CACNA1E: variants seen among roughly 807,000 people sequenced by gnomAD.
CACNA1E encodes the protein voltage-dependent R-type calcium channel subunit alpha-1E.
Under a neutral mutation model 259.2 loss-of-function variants are expected in CACNA1E, and 40 were observed. The ratio of observed to expected loss-of-function variants is 0.15; its 90% confidence interval spans 0.12 to 0.20. The LOEUF is 0.20. Ranked by LOEUF, CACNA1E falls within the 10% of genes least tolerant of loss-of-function variation. The pLI, the probability that CACNA1E is intolerant of heterozygous loss-of-function variation, is 1.00. For missense variants in CACNA1E, 1,874 were observed against 3,040.1 expected (o/e 0.62, Z 9.02); for synonymous variants, 1,104 against 1,138.5 (o/e 0.97, Z 0.61).
chr1:181,787,726 G>A (rs905493713), intron 43 of CACNA1E, among the ~76,000 whole-genome samples: 2 of 152,192 alleles, frequency 1.3e-5, no homozygotes, highest in African/African-American at 4.8e-5. Flanking sequence ...AGCTCACTCA[G>A]TTTGAGGGTT....
intron 16 of CACNA1E, among the ~76,000 whole-genome samples, chr1:181,723,802 G>A (rs1654632478): frequency 6.6e-6 from 1 of 152,188 alleles, no homozygotes. Flanking sequence ...AGGGGCAGAG[G>A]GAAAGGCATG....
At chr1:181,320,747 C>G (rs1650275714) in intron 1 of CACNA1E, among the ~76,000 whole-genome samples, 1 of 152,102 alleles carries the variant, frequency 6.6e-6, no homozygotes, top group African/African-American at 2.4e-5. Flanking sequence ...ATGGCTGGTT[C>G]CAGAGTGGGG....
At chr1:181,343,809 C>T (rs943289263) in intron 1 of CACNA1E, among the ~76,000 whole-genome samples, 1 of 152,138 alleles carries the variant, frequency 6.6e-6, no homozygotes, top group African/African-American at 2.4e-5. Flanking sequence ...GATGCCCTGT[C>T]TCCTCTCAGA....
intron 1 of CACNA1E, among the ~76,000 whole-genome samples, chr1:181,370,124 T>A (rs974842820): frequency 6.6e-6 from 1 of 150,752 alleles, no homozygotes; most frequent in Non-Finnish European, 1.5e-5. Context: ...GGGGTGTGGT[T>A]AAAAAAAAAC....
intron 2 of CACNA1E, among the ~76,000 whole-genome samples, chr1:181,468,842 G>A (rs1662316684): frequency 6.6e-6 from 1 of 152,134 alleles, no homozygotes; most frequent in Admixed American, 6.5e-5. Flanking sequence ...CAATTACAAG[G>A]TGTTCTCAGG....
intron 1 of CACNA1E, among the ~76,000 whole-genome samples, chr1:181,336,773 C>G (rs1229984899): frequency 2.0e-5 from 3 of 152,066 alleles, no homozygotes; most frequent in African/African-American, 7.2e-5. Flanking sequence ...CTTTCTGTCT[C>G]TCTGAATTTG....
rs1662696760 is a variant in CACNA1E at position 181,807,266 on chromosome 1, T to C, written c.*8432T>C. ...ATTGTCCTGATCTGCAAGCGAGGAG[T>C]TTAACAAGGTAGGCAGAGAACTTCC... On this transcript the variant is annotated 3_prime_UTR_variant, in exon 48 of 48. Transcript: ENST00000367573. 1 of 151,108 alleles carries C rather than the reference T, an allele frequency of 6.6e-6. No homozygotes were observed. The highest frequency in any genetic ancestry group is 2.4e-5 in the African/African-American group (1 of 41,022). 9.4% of individuals were successfully genotyped at this position (151,108 alleles called of 1,614,324 possible). A position where few individuals can be genotyped will look rare whatever the true frequency, so the allele number is the denominator to read the frequency against.
chr1:181,377,497 G>A (rs1655183996), intron 1 of CACNA1E, among the ~76,000 whole-genome samples: 1 of 152,106 alleles, frequency 6.6e-6, no homozygotes, highest in Admixed American at 6.5e-5. Flanking sequence ...GGTTATGTGG[G>A]GAGCCATCAG....
intron 1 of CACNA1E, among the ~76,000 whole-genome samples, chr1:181,391,762 T>A (rs919188762): frequency 6.6e-6 from 1 of 152,128 alleles, no homozygotes; most frequent in Non-Finnish European, 1.5e-5. Flanking sequence ...TGCAGTAAAT[T>A]TCAGGCACTG....
At chr1:181,540,396 G>C (rs775477943) in intron 3 of CACNA1E, among the ~76,000 whole-genome samples, 35 of 152,238 alleles carry the variant, frequency 2.3e-4, no homozygotes, top group Non-Finnish European at 4.9e-4. Flanking sequence ...GCACTTAGTA[G>C]TTATTCAGCA....
At chr1:181,777,388 T>C (rs1660055990) in intron 38 of CACNA1E, among the ~76,000 whole-genome samples, 1 of 152,216 alleles carries the variant, frequency 6.6e-6, no homozygotes, top group Non-Finnish European at 1.5e-5. Flanking sequence ...CCCAAAAATC[T>C]ATCCTCTGGT....
chr1:181,743,955 G>A (rs1656825789), intron 25 of CACNA1E, among the ~76,000 whole-genome samples: 1 of 152,256 alleles, frequency 6.6e-6, no homozygotes, highest in Non-Finnish European at 1.5e-5. Flanking sequence ...CTCTCTGGCG[G>A]CTGACGCCAA....
chr1:181,455,829 A>G (rs1039397150), intron 2 of CACNA1E, among the ~76,000 whole-genome samples: 3 of 152,176 alleles, frequency 2.0e-5, no homozygotes, highest in African/African-American at 4.8e-5. Flanking sequence ...ATGCCCTTGA[A>G]TGTGTCCCTA....
rs2102939600 is a variant in CACNA1E, at chr1:181,804,889, C to G, written c.*6055C>G. On this transcript the variant is annotated 3_prime_UTR_variant, in exon 48 of 48. Transcript: ENST00000367573. ...TTGCTTTAATTTCACTCTATTCTTC[C>G]CATTTTCCCTTATTCTTCTTGTTGT... 1 of 150,492 alleles carries G rather than the reference C, an allele frequency of 6.6e-6. No individual in the cohort carries two copies. Among genetic ancestry groups the G allele is most frequent in the Admixed American group, 6.6e-5 (1 of 15,160 alleles). 9.3% of individuals were successfully genotyped at this position (150,492 alleles called of 1,614,324 possible). A position where few individuals can be genotyped will look rare whatever the true frequency, so the allele number is the denominator to read the frequency against.
chr1:181,602,481 A>AT (rs1653838961), intron 6 of CACNA1E, among the ~76,000 whole-genome samples: 1 of 152,102 alleles, frequency 6.6e-6, no homozygotes, highest in Non-Finnish European at 1.5e-5. Flanking sequence ...AAAGTTTTGG[A>AT]TTTTGAAAGA....
intron 1 of CACNA1E, among the ~76,000 whole-genome samples, chr1:181,403,547 G>A (rs369405486): frequency 4.6e-5 from 7 of 152,054 alleles, no homozygotes; most frequent in African/African-American, 1.7e-4. Flanking sequence ...TTATGCAAAA[G>A]TGAAGTCTCA....
rs754223861 is a variant in CACNA1E, at chr1:181,717,193, G to A, written c.1416G>A (p.Met472Ile). 1.4e-5 allele frequency: 22 copies of A among 1,613,894 alleles called. No homozygotes were observed. The highest frequency in any genetic ancestry group is 1.6e-5 in the Non-Finnish European group (19 of 1,179,880). ...ERLLRISIRH[M>I]VKSQVFYWIV... ...TTCTGCGCATCTCCATTCGCCACAT[G>A]GTTAAATCCCAGGTGTTTTACTGGA... The change falls in exon 11 of 48, where the codon ATG becomes ATA. Residue 472 changes from methionine (M) to isoleucine (I), a missense_variant. Physicochemically the swap from Met to Ile is conservative, Grantham distance 10 (BLOSUM62 1). Around this residue, in one of 14 missense-constraint regions of CACNA1E, gnomAD observed 157 missense variants for 203.5 expected, o/e 0.77. Transcript: ENST00000367573.
At position 181,787,929 on chromosome 1, in the gene CACNA1E, T is replaced by A. The variant is rs541582148; in HGVS notation, c.5786+2110T>A. ...AGGGGCTAGTACTTTGGGGGCATTA[T>A]AAGCAGGATAAAGAAATTGGATTTT... On this transcript the variant is annotated intron_variant, in intron 43 of 47. Transcript: ENST00000367573. 7.9e-5 allele frequency among the ~76,000 whole-genome samples: 12 copies of A among 152,334 alleles called. No individual in the cohort carries two copies. The East Asian group carries it at 2.3e-3, about 29-fold the overall frequency.
chr1:181,684,634 C>A (rs1003119827), intron 7 of CACNA1E, among the ~76,000 whole-genome samples: 53 of 152,014 alleles, frequency 3.5e-4, no homozygotes, highest in Non-Finnish European at 1.8e-4. Flanking sequence ...GTCTTTAATC[C>A]ATTTTGAGTT....
Sources: allele counts gnomAD v4.1 joint callset (sites outside exome capture counted in the v4.1 genomes callset), GRCh38; gene constraint gnomAD v4.1.1; regional missense constraint gnomAD v4.1.1; transcripts MANE v1.5; gene names NCBI Gene and HGNC (gene_info 2026-07-23, HGNC 2026-07-21).